Variants in EPHA6 observed in about 807,000 individuals in gnomAD.
EPHA6 encodes the protein ephrin type-A receptor 6.
A neutral mutation model predicts 112.0 loss-of-function variants in EPHA6; 50 were observed. That is an observed-to-expected ratio of 0.45 (90% CI 0.36 to 0.56). The LOEUF is 0.56. EPHA6 is among the 20% of genes least tolerant of loss of function. The pLI, the probability that EPHA6 is intolerant of heterozygous loss-of-function variation, is 0.00. For missense variants in EPHA6, 1,280 were observed against 1,417.4 expected, an observed-to-expected ratio of 0.90 and a Z score of 1.56; for synonymous variants, 529 against 490.7, an observed-to-expected ratio of 1.08 and a Z score of -1.03.
chr3:97,713,131 G>A (rs770917891), intron 14 of EPHA6, among the ~76,000 whole-genome samples: 10 of 152,162 alleles, frequency 6.6e-5, no homozygotes, highest in Non-Finnish European at 1.3e-4. Context: ...GGAAGATAAT[G>A]GAAATAGGTC....
At chr3:97,692,973 T>G (rs529688560) in intron 14 of EPHA6, among the ~76,000 whole-genome samples, 1 of 152,310 alleles carries the variant, frequency 6.6e-6, no homozygotes, top group East Asian at 1.9e-4. Context: ...TTAGCATTTC[T>G]TAGGGTCAGC....
chr3:96,940,248 A>T (rs2040858227), intron 2 of EPHA6, among the ~76,000 whole-genome samples: 1 of 152,202 alleles, frequency 6.6e-6, no homozygotes, highest in East Asian at 1.9e-4. Context: ...GTATCTTTGT[A>T]GATCTCAAAG....
At chr3:96,855,529 A>G (rs2035642153) in intron 1 of EPHA6, among the ~76,000 whole-genome samples, 1 of 152,128 alleles carries the variant, frequency 6.6e-6, no homozygotes, top group Admixed American at 6.5e-5. Context: ...TAATGGGAAA[A>G]CAGTGAGTTC....
At chr3:97,512,929 T>G (rs550427453) in intron 10 of EPHA6, among the ~76,000 whole-genome samples, 1 of 152,296 alleles carries the variant, frequency 6.6e-6, no homozygotes, top group Non-Finnish European at 1.5e-5. Flanking sequence ...AGTGCAGACA[T>G]TCTCCCATAC....
At chr3:96,889,856 A>T (rs1458079721) in intron 2 of EPHA6, among the ~76,000 whole-genome samples, 1 of 152,200 alleles carries the variant, frequency 6.6e-6, no homozygotes, top group Non-Finnish European at 1.5e-5. Context: ...GAAATACTAG[A>T]AAATTTAAAA....
chr3:97,220,794 G>T (rs2078172106), intron 3 of EPHA6, among the ~76,000 whole-genome samples: 1 of 152,160 alleles, frequency 6.6e-6, no homozygotes, highest in Non-Finnish European at 1.5e-5. Context: ...ACAAATCTGT[G>T]CAGTGGTCTG....
At chr3:97,614,776 C>T (rs1420178845) in intron 13 of EPHA6, among the ~76,000 whole-genome samples, 1 of 151,920 alleles carries the variant, frequency 6.6e-6, no homozygotes, top group East Asian at 1.9e-4. Flanking sequence ...AGGAAATCAG[C>T]TCAAAATATG....
intron 1 of EPHA6, among the ~76,000 whole-genome samples, chr3:96,859,371 T>C (rs1398437821): frequency 4.0e-5 from 6 of 149,474 alleles, no homozygotes; most frequent in African/African-American, 1.3e-4. Context: ...TGTTTACCTC[T>C]GATAATGGTT....
chr3:97,104,626 C>T (rs12695491), intron 3 of EPHA6, among the ~76,000 whole-genome samples: 8,517 of 151,986 alleles, frequency 0.056, 295 homozygotes, highest in Middle Eastern at 0.14. Context: ...CATGTCTCTG[C>T]TAGGTTTTGA....
At chr3:97,219,403 A>G (rs1481126665) in intron 3 of EPHA6, among the ~76,000 whole-genome samples, 2 of 152,172 alleles carry the variant, frequency 1.3e-5, no homozygotes, top group African/African-American at 4.8e-5. Context: ...AGGCATTTCC[A>G]TACATCCTCT....
At chr3:97,403,726 G>A (rs950026102) in intron 5 of EPHA6, among the ~76,000 whole-genome samples, 5 of 152,178 alleles carry the variant, frequency 3.3e-5, no homozygotes, top group Admixed American at 6.5e-5. Flanking sequence ...GATTACAGGC[G>A]TGAGCCACCG....
intron 2 of EPHA6, among the ~76,000 whole-genome samples, chr3:96,933,992 ATAT>A (rs1335128298): frequency 6.6e-6 from 1 of 151,998 alleles, no homozygotes; most frequent in African/African-American, 2.4e-5. Flanking sequence ...ATTTGAGGTG[ATAT>A]TATTATTTTA....
chr3:96,827,613 C>T (rs2033749820), intron 1 of EPHA6, among the ~76,000 whole-genome samples: 1 of 152,160 alleles, frequency 6.6e-6, no homozygotes, highest in Non-Finnish European at 1.5e-5. Flanking sequence ...ATTAATTCCA[C>T]TTTTATGAAT....
intron 3 of EPHA6, among the ~76,000 whole-genome samples, chr3:97,171,092 T>A (rs1367739005): frequency 6.6e-6 from 1 of 152,132 alleles, no homozygotes; most frequent in Non-Finnish European, 1.5e-5. Context: ...AAAAATTGTC[T>A]TAGAGAAAAC....
rs1050842790 is a variant in EPHA6, at chr3:97,759,467, A to G, written c.*10766A>G. 6 of 229,504 alleles carry G rather than the reference A, an allele frequency of 2.6e-5. No homozygotes were observed. The Admixed American group carries it at 3.4e-4, about 13-fold the overall frequency. 14.2% of individuals were successfully genotyped at this position (229,504 alleles called of 1,614,324 possible). A position where few individuals can be genotyped will look rare whatever the true frequency, so the allele number is the denominator to read the frequency against. ...TTGTCTTGTTTTTTAAGGATGCTAC[A>G]GCATATTTATCTACTAATGAAAATG... is the stretch of plus-strand genomic sequence containing the variant. On this transcript the variant is annotated 3_prime_UTR_variant, in exon 18 of 18. Transcript: ENST00000389672.
chr3:96,920,619 G>T (rs763541094), intron 2 of EPHA6, among the ~76,000 whole-genome samples: 2 of 151,700 alleles, frequency 1.3e-5, no homozygotes, highest in Non-Finnish European at 2.9e-5. Flanking sequence ...TTAATTACCC[G>T]TATTACAGAA....
At chr3:97,135,939 T>C (rs772063100) in intron 3 of EPHA6, among the ~76,000 whole-genome samples, 1 of 152,030 alleles carries the variant, frequency 6.6e-6, no homozygotes, top group African/African-American at 2.4e-5. Context: ...AAAATGGTGT[T>C]GTCTGAGATT....
intron 1 of EPHA6, among the ~76,000 whole-genome samples, chr3:96,831,994 G>A (rs2034114075): frequency 6.6e-6 from 1 of 151,966 alleles, no homozygotes; most frequent in African/African-American, 2.4e-5. Flanking sequence ...AAATCTGATT[G>A]GCCTTGAGTG....
At chr3:97,464,239 T>C (rs1178063637) in intron 7 of EPHA6, among the ~76,000 whole-genome samples, 1 of 152,044 alleles carries the variant, frequency 6.6e-6, no homozygotes. Context: ...GGTAATCCAA[T>C]GCATATGACT....
Sources: allele counts gnomAD v4.1 joint callset (sites outside exome capture counted in the v4.1 genomes callset), GRCh38; gene constraint gnomAD v4.1.1; transcripts MANE v1.5; gene names NCBI Gene and HGNC (gene_info 2026-07-23, HGNC 2026-07-21).